Variants in SETD2 observed in about 807,000 individuals in gnomAD.
SETD2 encodes the protein histone-lysine N-methyltransferase SETD2.
A neutral mutation model predicts 242.1 loss-of-function variants in SETD2; 31 were observed. The observed-to-expected ratio is 0.13, with a 90% CI of 0.10 to 0.17. The LOEUF is 0.17. SETD2 is among the 10% of genes least tolerant of loss of function. The pLI, the probability that SETD2 is intolerant of heterozygous loss-of-function variation, is 1.00. For missense variants in SETD2, 2,481 were observed against 3,046.3 expected, an observed-to-expected ratio of 0.81 and a Z score of 4.37; for synonymous variants, 1,006 against 1,066.5, an observed-to-expected ratio of 0.94 and a Z score of 1.11.
chr3:47,117,623 T>G (rs1213942825), intron 3 of SETD2, among the ~76,000 whole-genome samples: 6 of 152,210 alleles, frequency 3.9e-5, no homozygotes, highest in Admixed American at 2.0e-4. Context: ...TAGAGAATCT[T>G]TCAGTAACAT....
intron 2 of SETD2, 116 bp downstream of exon 2, chr3:47,126,532 A>G (rs1000535308): frequency 1.6e-5 from 9 of 569,424 alleles, no homozygotes; most frequent in African/African-American, 1.3e-4. Context: ...CTATTACTTC[A>G]TTTCACATTC....
At chr3:47,035,258 T>C (rs1194621021) in intron 18 of SETD2, among the ~76,000 whole-genome samples, 1 of 152,246 alleles carries the variant, frequency 6.6e-6, no homozygotes, top group African/African-American at 2.4e-5. Context: ...CTGGTGCTCT[T>C]GGGTGCTGAG....
Position 47,164,041 on chromosome 3 carries a change from C to T in SETD2, c.-117G>A. On this transcript the variant is annotated 5_prime_UTR_variant, in exon 1 of 21. Transcript: ENST00000409792. The surrounding 1 kb of genome is among the most constrained non-coding windows in gnomAD (Gnocchi z 5.4). ...GCGGCGGCGGCGGCGGCGGCGGCGG[C>T]GGCAGGGGCGGCCCGCGTCGCTACC... The T allele has an allele frequency of 2.1e-6, 2 of 971,242 alleles. No homozygotes were observed. The highest frequency in any genetic ancestry group is 2.7e-6 in the Non-Finnish European group (2 of 754,164). The allele number at this position is 971,242 out of a possible 1,614,324, so 60.2% of individuals were successfully genotyped here.
At chr3:47,138,318 G>T in intron 1 of SETD2, 1 of 274,520 alleles carries the variant, frequency 3.6e-6, no homozygotes, top group Non-Finnish European at 7.6e-6. Context: ...CGCCCAGGCT[G>T]GAGTACAGTG....
intron 3 of SETD2, among the ~76,000 whole-genome samples, chr3:47,118,287 G>C (rs190913106): frequency 6.6e-6 from 1 of 152,190 alleles, no homozygotes; most frequent in Non-Finnish European, 1.5e-5. Context: ...GGAATAGGAC[G>C]AATGGGCATA....
rs199618415 is a variant in SETD2, at chr3:47,057,009, C to T, written c.6775G>A (p.Val2259Met). 6.2e-7 allele frequency: 1 copy of T among 1,614,250 alleles called. No individual in the cohort carries two copies. Among genetic ancestry groups the T allele is most frequent in the Non-Finnish European group, 8.5e-7 (1 of 1,180,052 alleles). The part of the protein sequence containing the change: ...HQDSSVAVLP[V>M]PAPGPVQGQN... ...CCCTGAACTGGGCCGGGGGCCGGCA[C>T]TGGCAAGACAGCAACGCTGGAGTCT... Residue 2259 changes from valine to methionine, a missense_variant, in exon 15 of 21, where the codon GTG (valine) becomes ATG (methionine). Transcript: ENST00000409792.
chr3:47,079,597 G>A (rs552005769), intron 12 of SETD2, among the ~76,000 whole-genome samples: 1 of 152,288 alleles, frequency 6.6e-6, no homozygotes, highest in Admixed American at 6.5e-5. Context: ...TAGATCAGAT[G>A]TTGGCAAACT....
chr3:47,038,432 G>T (rs1007708237), intron 17 of SETD2, among the ~76,000 whole-genome samples: 5 of 152,052 alleles, frequency 3.3e-5, no homozygotes, highest in Non-Finnish European at 7.4e-5. Flanking sequence ...TGGCCAACAC[G>T]GTGAAACCCC....
chr3:47,086,576 A>G (rs2041568001), intron 10 of SETD2, among the ~76,000 whole-genome samples: 1 of 152,216 alleles, frequency 6.6e-6, no homozygotes, highest in South Asian at 2.1e-4. Flanking sequence ...ATGAATATTA[A>G]TAGGTCATTT....
intron 1 of SETD2, among the ~76,000 whole-genome samples, chr3:47,159,443 A>C (rs1337651033): frequency 6.6e-6 from 1 of 152,140 alleles, no homozygotes; most frequent in African/African-American, 2.4e-5. Context: ...CTCACATGTC[A>C]TATTAGTTCC....
intron 12 of SETD2, chr3:47,080,793 T>G: frequency 1.0e-6 from 1 of 985,966 alleles, no homozygotes; most frequent in Non-Finnish European, 1.2e-6. Context: ...ATAGAAAAAG[T>G]AGCTCACTTA....
At chr3:47,044,850 A>G (rs1257889154) in intron 16 of SETD2, among the ~76,000 whole-genome samples, 2 of 152,200 alleles carry the variant, frequency 1.3e-5, no homozygotes, top group East Asian at 3.8e-4. Context: ...AAGCAGCCCT[A>G]ATACAAAAAT....
intron 1 of SETD2, among the ~76,000 whole-genome samples, chr3:47,129,857 C>A (rs1245419778): frequency 6.8e-6 from 1 of 146,614 alleles, no homozygotes; most frequent in African/African-American, 2.5e-5. Flanking sequence ...CTAGCCTGGG[C>A]GACAGAATGA....
intron 3 of SETD2, 130 bp from the exon 4 acceptor site, chr3:47,116,884 C>T: frequency 1.6e-6 from 1 of 635,314 alleles, no homozygotes; most frequent in Non-Finnish European, 2.6e-6. Context: ...TGTTCTGTCA[C>T]CCAGGCCAGG....
rs902794659 is a variant in SETD2, at chr3:47,017,180, C to T, written c.7608G>A (p.Val2536=). ...NPEDLECNEN[V]KHKTKEYIKK... ...TAATGTACTCCTTGGTTTTGTGTTT[C>T]ACATTCTCATTGCACTCCAGGTCCT... Residue 2536 remains valine (V), a synonymous_variant, in exon 21 of 21, where the codon GTG becomes GTA. Coordinates refer to ENST00000409792, the MANE Select transcript of SETD2 (RefSeq NM_014159.7). This position sits in a 1 kb window ranked among gnomAD's most constrained non-coding sequence, Gnocchi z 4.8. The T allele has an allele frequency of 6.2e-7, 1 of 1,614,158 alleles. No individual in the cohort carries two copies. The highest frequency in any genetic ancestry group is 8.5e-7 in the Non-Finnish European group (1 of 1,180,032).
intron 16 of SETD2, 66 bp from the exon 17 acceptor site, chr3:47,042,766 A>G (rs760195414): frequency 7.2e-7 from 1 of 1,390,714 alleles, no homozygotes; most frequent in African/African-American, 1.5e-5. Flanking sequence ...ATAGGACAAA[A>G]TAGCCCACTT....
chr3:47,155,035 T>C (rs1466659228), intron 1 of SETD2, among the ~76,000 whole-genome samples: 1 of 152,086 alleles, frequency 6.6e-6, no homozygotes. Context: ...ACCCTGTTAT[T>C]GTTTTTAAAA....
At chr3:47,154,837 A>G (rs1378063327) in intron 1 of SETD2, among the ~76,000 whole-genome samples, 1 of 151,606 alleles carries the variant, frequency 6.6e-6, no homozygotes, top group Non-Finnish European at 1.5e-5. Context: ...CTAAAAAAAT[A>G]CAAAAAATTA....
chr3:47,122,792 G>A lies in SETD2; in HGVS notation c.1844C>T (p.Pro615Leu), dbSNP rs1435404664. 3.7e-6 allele frequency: 6 copies of A among 1,612,856 alleles called. No individual in the cohort carries two copies. The Admixed American group carries it at 6.7e-5, about 18-fold the overall frequency. Reference protein sequence around the residue: ...KNPEREKAGSPAPSNRLNDSP... With the variant: ...KNPEREKAGSLAPSNRLNDSP... ...ATCATTTAATCGATTTGATGGAGCTGGAGACCCAGCCTTTTCTCTTTCAGG... is the reference window on the plus strand; with the variant it reads ...ATCATTTAATCGATTTGATGGAGCTAGAGACCCAGCCTTTTCTCTTTCAGG... Residue 615 changes from proline (P) to leucine (L), a missense_variant, in exon 3 of 21, where the codon CCA becomes CTA. Transcript: ENST00000409792.
Sources: gnomAD v4.1 joint callset for allele counts (sites outside exome capture counted in the v4.1 genomes callset) on GRCh38, gnomAD v4.1.1 for gene constraint, Gnocchi (gnomAD v3.1) non-coding constraint, MANE v1.5 for transcripts, NCBI Gene and HGNC (gene_info 2026-07-23, HGNC 2026-07-21) for gene names.